Variants in COL5A2 observed in about 807,000 individuals in gnomAD.
COL5A2 encodes the protein collagen type V alpha 2 chain, also known as collagen alpha-2(V) chain.
A neutral mutation model predicts 208.2 loss-of-function variants in COL5A2; 23 were observed. The observed-to-expected ratio is 0.11, with a 90% CI of 0.08 to 0.16. COL5A2 has a LOEUF of 0.16. Ranked by LOEUF, COL5A2 falls within the 10% of genes least tolerant of loss-of-function variation. The probability of loss-of-function intolerance (pLI) is 1.00; values close to 1 mark genes in which losing one functional copy is unlikely to be tolerated. For missense variants in COL5A2, 1,590 were observed against 1,956.4 expected, an observed-to-expected ratio of 0.81 and a Z score of 3.53; for synonymous variants, 625 against 628.5, an observed-to-expected ratio of 0.99 and a Z score of 0.08.
At chr2:189,429,284 T>C in the COL5A2 span, among the ~76,000 whole-genome samples, 1 of 152,182 alleles carries the variant, frequency 6.6e-6, no homozygotes, top group Non-Finnish European at 1.5e-5. Context: ...AAGAAAGGAA[T>C]AACTTACAGC....
intron 1 of COL5A2, among the ~76,000 whole-genome samples, chr2:189,129,125 G>A (rs1687662772): frequency 1.3e-5 from 2 of 151,590 alleles, no homozygotes; most frequent in Non-Finnish European, 2.9e-5. Flanking sequence ...TTTTATCACT[G>A]GGTAGAATTC....
chr2:189,064,684 G>T, intron 24 of COL5A2, 29 bp from the exon 25 acceptor site: 1 of 1,449,830 alleles, frequency 6.9e-7, no homozygotes, highest in Non-Finnish European at 9.7e-7. Context: ...GATGCATGAA[G>T]AAAAAGAGTA....
the COL5A2 span, among the ~76,000 whole-genome samples, chr2:189,396,456 G>A: frequency 2.9e-5 from 4 of 140,262 alleles, no homozygotes; most frequent in East Asian, 2.2e-4. Context: ...GGTGAATCAC[G>A]AGGTCAGGAG....
the COL5A2 span, among the ~76,000 whole-genome samples, chr2:189,367,772 CA>C: frequency 6.6e-6 from 1 of 152,212 alleles, no homozygotes; most frequent in Non-Finnish European, 1.5e-5. Flanking sequence ...CTTCATGTGA[CA>C]GCAGAAAGAA....
chr2:189,169,846 G>C (rs1688539160), intron 1 of COL5A2, among the ~76,000 whole-genome samples: 2 of 152,202 alleles, frequency 1.3e-5, no homozygotes, highest in Admixed American at 6.5e-5. Flanking sequence ...GAGTAGCTGG[G>C]AGCTGGGATT....
At chr2:189,085,908 C>G (rs1181948450) in intron 9 of COL5A2, 136 bp from the exon 10 acceptor site, 4 of 684,300 alleles carry the variant, frequency 5.8e-6, no homozygotes, top group Non-Finnish European at 1.1e-5. Context: ...GGGCAAGTTA[C>G]TTAATCTGTC....
the COL5A2 span, among the ~76,000 whole-genome samples, chr2:189,379,722 A>G: frequency 4.6e-5 from 7 of 152,320 alleles, no homozygotes; most frequent in South Asian, 1.4e-3. Flanking sequence ...CATAGTTAGT[A>G]ACAAAGCTAA....
chr2:189,338,429 C>T, the COL5A2 span, among the ~76,000 whole-genome samples: 1 of 152,068 alleles, frequency 6.6e-6, no homozygotes, highest in African/African-American at 2.4e-5. Context: ...CTACATTTCT[C>T]CCCACCCTCA....
intron 1 of COL5A2, among the ~76,000 whole-genome samples, chr2:189,199,751 G>A (rs760252631): frequency 5.3e-5 from 8 of 152,120 alleles, no homozygotes; most frequent in East Asian, 1.9e-4. Flanking sequence ...AAAATACAGC[G>A]AAACAAAATT....
intron 1 of COL5A2, among the ~76,000 whole-genome samples, chr2:189,146,648 TA>T (rs1254002739): frequency 6.6e-6 from 1 of 152,038 alleles, no homozygotes; most frequent in Non-Finnish European, 1.5e-5. Flanking sequence ...TGGCCATTAT[TA>T]AAAAAGAAGT....
the COL5A2 span, among the ~76,000 whole-genome samples, chr2:189,347,853 G>A: frequency 6.6e-6 from 1 of 152,156 alleles, no homozygotes; most frequent in Admixed American, 6.6e-5. Flanking sequence ...TAGGGACAGA[G>A]GGAGTAAGTG....
At chr2:189,176,249 G>A (rs192617115) in intron 1 of COL5A2, among the ~76,000 whole-genome samples, 4 of 152,248 alleles carry the variant, frequency 2.6e-5, no homozygotes, top group African/African-American at 9.6e-5. Flanking sequence ...TTCATGGGCC[G>A]GGAGCCAAAT....
chr2:189,305,822 A>G, the COL5A2 span, among the ~76,000 whole-genome samples: 1 of 152,104 alleles, frequency 6.6e-6, no homozygotes, highest in Admixed American at 6.6e-5. Flanking sequence ...TCTAAAAAAA[A>G]AAAAAAAAAA....
chr2:189,396,738 C>T, the COL5A2 span, among the ~76,000 whole-genome samples: 2 of 147,500 alleles, frequency 1.4e-5, no homozygotes, highest in African/African-American at 2.5e-5. Context: ...AATCCCAGCA[C>T]TTTGGGAGGC....
intron 52 of COL5A2, among the ~76,000 whole-genome samples, chr2:189,036,108 C>T (rs1388629044): frequency 6.6e-6 from 1 of 151,778 alleles, no homozygotes; most frequent in Non-Finnish European, 1.5e-5. Context: ...TACAAGAGAC[C>T]CTAAACTAAG....
At chr2:189,290,664 G>C in the COL5A2 span, among the ~76,000 whole-genome samples, 6 of 150,038 alleles carry the variant, frequency 4.0e-5, no homozygotes, top group Non-Finnish European at 8.9e-5. Context: ...TTACCTGATG[G>C]AGGATTTACT....
the COL5A2 span, among the ~76,000 whole-genome samples, chr2:189,281,944 G>A: frequency 6.6e-6 from 1 of 152,346 alleles, no homozygotes; most frequent in Non-Finnish European, 1.5e-5. Context: ...AGCACTTCGG[G>A]AGGCCGAGAA....
At chr2:189,038,103 C>T (rs1056799029) in intron 51 of COL5A2, among the ~76,000 whole-genome samples, 1 of 151,696 alleles carries the variant, frequency 6.6e-6, no homozygotes, top group Non-Finnish European at 1.5e-5. Context: ...TTGTATGATG[C>T]TGAGGTTTGG....
the COL5A2 span, among the ~76,000 whole-genome samples, chr2:189,259,040 T>C: frequency 2.0e-5 from 3 of 152,178 alleles, no homozygotes; most frequent in African/African-American, 7.2e-5. Flanking sequence ...CCAACCTTAA[T>C]CTTGTACTTC....
Sources: allele counts gnomAD v4.1 joint callset (sites outside exome capture counted in the v4.1 genomes callset), GRCh38; gene constraint gnomAD v4.1.1; transcripts MANE v1.5; gene names NCBI Gene and HGNC (gene_info 2026-07-23, HGNC 2026-07-21).